ASB5: variants seen among roughly 807,000 people sequenced by gnomAD.
ASB5 encodes ankyrin repeat and SOCS box protein 5.
In ASB5, 45 loss-of-function variants were observed where a neutral mutation model predicts 42.1. The observed-to-expected ratio is 1.07, with a 90% CI of 0.84 to 1.37. The LOEUF is 1.37. Among genes scored for constraint, ASB5 ranks in the 40% most tolerant of loss-of-function variants. ASB5 has a pLI of 0.00. For synonymous variants in ASB5, 147 were observed against 150.6 expected (o/e 0.98, Z 0.18); for missense variants, 402 against 399.8 (o/e 1.01, Z -0.05).
rs1029677901 is a variant in ASB5 at position 176,232,109 on chromosome 4, T to A, written c.197-6768A>T. ...ACCTTTTTCAGATCTCTTACCTATTTTATATATATATATATATACTTTTTT... is the reference window on the plus strand; with the variant it reads ...ACCTTTTTCAGATCTCTTACCTATTATATATATATATATATATACTTTTTT... On this transcript the variant is annotated intron_variant, in intron 1 of 6. Coordinates refer to ENST00000296525, the MANE Select transcript of ASB5 (RefSeq NM_080874.4). 1.3e-4 allele frequency among the ~76,000 whole-genome samples: 19 copies of A among 140,790 alleles called. No individual in the cohort carries two copies. In the East Asian group the frequency reaches 2.2e-3, roughly 16 times the overall value. The allele number at this position is 140,790 out of a possible 152,430, so 92.4% of individuals were successfully genotyped here.
Position 176,220,055 on chromosome 4 carries a change from T to G in ASB5, c.670+1100A>C, listed in dbSNP as rs550311915. Among the ~76,000 whole-genome samples, 10 of 152,276 alleles carry G rather than the reference T, an allele frequency of 6.6e-5. No homozygotes were observed. In the South Asian group the frequency reaches 1.7e-3, roughly 25 times the overall value. On this transcript the variant is annotated intron_variant, in intron 5 of 6. Coordinates refer to ENST00000296525, the MANE Select transcript of ASB5 (RefSeq NM_080874.4). ...AACAAACAAACAAACCAAAAACTTA[T>G]AATGTTTTAAGAAAGTTTATGAATT...
At position 176,214,552 on chromosome 4, in the gene ASB5, T is replaced by C. The variant is rs372056891; in HGVS notation, c.*1048A>G. 7.9e-5 allele frequency: 12 copies of C among 152,188 alleles called. No homozygotes were observed. Among genetic ancestry groups the C allele is most frequent in the East Asian group, 5.8e-4 (3 of 5,198 alleles). The allele number at this position is 152,188 out of a possible 1,614,324, so 9.4% of individuals were successfully genotyped here. A position where few individuals can be genotyped will look rare whatever the true frequency, so the allele number is the denominator to read the frequency against. On this transcript the variant is annotated 3_prime_UTR_variant, in exon 7 of 7. Transcript: ENST00000296525. Reference sequence around the variant, plus strand: ...CTTGCTATTACTTGCAAATACAGTATACTCTAAGCCCTTGTTTTGTGTAAA... The same window carrying C: ...CTTGCTATTACTTGCAAATACAGTACACTCTAAGCCCTTGTTTTGTGTAAA...
At position 176,225,805 on chromosome 4, in the gene ASB5, G is replaced by C. The variant is rs797012118; in HGVS notation, c.197-464C>G. ...GGGTTTCACCATGTTGGCCAGGCTG[G>C]TCTTGAAGTCCTGACCTCAAGTGAT... On this transcript the variant is annotated intron_variant, in intron 1 of 6. Coordinates refer to ENST00000296525, the MANE Select transcript of ASB5 (RefSeq NM_080874.4). Among the ~76,000 whole-genome samples the C allele has an allele frequency of 1.8e-4, 28 of 152,220 alleles. No individual in the cohort carries two copies. In the East Asian group the frequency reaches 3.3e-3, roughly 18 times the overall value.
In ASB5 at chr4:176,215,533, G is replaced by A. The variant is rs941525435; in HGVS notation, c.*67C>T. The A allele has an allele frequency of 1.0e-5, 15 of 1,495,698 alleles. No homozygotes were observed. In the South Asian group the frequency reaches 1.4e-4, roughly 14 times the overall value. 92.7% of individuals were successfully genotyped at this position (1,495,698 alleles called of 1,614,324 possible). On this transcript the variant is annotated 3_prime_UTR_variant, in exon 7 of 7. Transcript: ENST00000296525. Reference sequence around the variant, plus strand: ...TCCTATCTTTAGCATATTTTTATATGAACTATTCCTTAAGCAAAAGAAATA... The same window carrying A: ...TCCTATCTTTAGCATATTTTTATATAAACTATTCCTTAAGCAAAAGAAATA...
rs373409382 is a variant in ASB5, at chr4:176,265,224, C to T, written c.196+3689G>A. Among the ~76,000 whole-genome samples the T allele has an allele frequency of 1.6e-3, 237 of 152,260 alleles. 2 individuals carry two copies. Among genetic ancestry groups the T allele is most frequent in the South Asian group, 6.0e-3 (29 of 4,820 alleles). On this transcript the variant is annotated intron_variant, in intron 1 of 6. Transcript: ENST00000296525. ...ACTTTTCTACTGCATGAACTCTCCA[C>T]TCCAGCCAAATCTACTGACTCCCAA...
At chr4:176,226,531 C>T (rs1347332600) in intron 1 of ASB5, among the ~76,000 whole-genome samples, 1 of 152,112 alleles carries the variant, frequency 6.6e-6, no homozygotes, top group African/African-American at 2.4e-5. Context: ...CCCTAATCTC[C>T]TCTCATATAG....
chr4:176,263,666 T>C (rs1312645443), intron 1 of ASB5, among the ~76,000 whole-genome samples: 1 of 152,196 alleles, frequency 6.6e-6, no homozygotes, highest in African/African-American at 2.4e-5. Context: ...AATAAAGATA[T>C]TATTAAGAAG....
At chr4:176,223,741 T>C (rs1312580295) in intron 2 of ASB5, among the ~76,000 whole-genome samples, 1 of 152,172 alleles carries the variant, frequency 6.6e-6, no homozygotes, top group Non-Finnish European at 1.5e-5. Context: ...AGGGACCAGA[T>C]GTCAGAAGCA....
intron 1 of ASB5, among the ~76,000 whole-genome samples, chr4:176,262,449 C>T (rs150762053): frequency 2.6e-4 from 40 of 152,220 alleles, no homozygotes; most frequent in African/African-American, 9.4e-4. Flanking sequence ...AGTTTTTGAG[C>T]ATTGTGAATA....
intron 1 of ASB5, among the ~76,000 whole-genome samples, chr4:176,259,967 C>G (rs1237927704): frequency 6.6e-6 from 1 of 152,300 alleles, no homozygotes; most frequent in South Asian, 2.1e-4. Flanking sequence ...ACATGCCTGA[C>G]AGGCCCCAAA....
At chr4:176,253,184 A>C (rs1560818395) in intron 1 of ASB5, among the ~76,000 whole-genome samples, 1 of 152,190 alleles carries the variant, frequency 6.6e-6, no homozygotes, top group African/African-American at 2.4e-5. Flanking sequence ...TATTAATCAC[A>C]TAATATATAC....
At chr4:176,244,589 C>A (rs1488806037) in intron 1 of ASB5, among the ~76,000 whole-genome samples, 1 of 152,058 alleles carries the variant, frequency 6.6e-6, no homozygotes, top group Admixed American at 6.6e-5. Context: ...GTGAAAATAG[C>A]CAAACTGTAA....
chr4:176,237,383 A>G, intron 1 of ASB5: 6 of 985,838 alleles, frequency 6.1e-6, no homozygotes, highest in Non-Finnish European at 7.2e-6. Flanking sequence ...GACCTGCTTA[A>G]TGCAGTTCAT....
At position 176,215,715 on chromosome 4, in the gene ASB5, G is replaced by A. The variant is rs762302951; in HGVS notation, c.875C>T (p.Ser292Phe). ...ACAGAGTCGGCAAAGTTGGTAAAGAGAGCTTGGGGTAGCTACAAGAAGACA... is the reference window on the plus strand; with the variant it reads ...ACAGAGTCGGCAAAGTTGGTAAAGAAAGCTTGGGGTAGCTACAAGAAGACA... The part of the protein sequence containing the change: ...ILLQHEATPS[S>F]LYQLCRLCIR... The change falls in exon 7 of 7, where the codon TCT becomes TTT. Residue 292 changes from serine to phenylalanine, a missense_variant. Ser to Phe is a radical substitution (Grantham distance 155). Coordinates refer to ENST00000296525, the MANE Select transcript of ASB5 (RefSeq NM_080874.4). The A allele has an allele frequency of 1.1e-5, 18 of 1,611,840 alleles. No individual in the cohort carries two copies. The South Asian group carries it at 1.9e-4, about 17-fold the overall frequency.
At chr4:176,238,314 C>A (rs1234737862) in intron 1 of ASB5, among the ~76,000 whole-genome samples, 5 of 151,826 alleles carry the variant, frequency 3.3e-5, no homozygotes, top group Non-Finnish European at 7.4e-5. Context: ...AAATCACAGT[C>A]CTCTTATTTA....
intron 1 of ASB5, among the ~76,000 whole-genome samples, chr4:176,257,772 C>T (rs925517792): frequency 2.6e-5 from 4 of 152,174 alleles, no homozygotes; most frequent in Non-Finnish European, 5.9e-5. Flanking sequence ...CGTGTTTATT[C>T]GGTGAGAAAG....
At position 176,225,297 on chromosome 4, in the gene ASB5, C is replaced by A; in HGVS notation, c.241G>T (p.Gly81Cys). The stretch of plus-strand genomic sequence containing the variant: ...AATGTTCTCAGAGCAAGAAGGCGAC[C>A]TTGACTTGCTGCTTCATGTAGTGGT... The part of the protein sequence containing the change: ...RSPLHEAASQ[G>C]RLLALRTLLS... Residue 81 changes from glycine (G) to cysteine (C), a missense_variant, in exon 2 of 7, where the codon GGT becomes TGT. Transcript: ENST00000296525. 1.9e-6 allele frequency: 3 copies of A among 1,613,944 alleles called. No homozygotes were observed. The highest frequency in any genetic ancestry group is 2.5e-6 in the Non-Finnish European group (3 of 1,179,930).
At chr4:176,258,883 C>T (rs1754205492) in intron 1 of ASB5, among the ~76,000 whole-genome samples, 1 of 152,186 alleles carries the variant, frequency 6.6e-6, no homozygotes, top group African/African-American at 2.4e-5. Flanking sequence ...ACTAAGCTTA[C>T]TTAAACTGAT....
At chr4:176,267,568 G>A (rs1482740698) in intron 1 of ASB5, among the ~76,000 whole-genome samples, 1 of 151,958 alleles carries the variant, frequency 6.6e-6, no homozygotes, top group East Asian at 1.9e-4. Flanking sequence ...TGAGAATTGA[G>A]CCACTCCACT....
Sources: allele counts gnomAD v4.1 joint callset (sites outside exome capture counted in the v4.1 genomes callset), GRCh38; gene constraint gnomAD v4.1.1; transcripts MANE v1.5; gene names NCBI Gene and HGNC (gene_info 2026-07-23, HGNC 2026-07-21).